The following NNT variants were observed in gnomAD, a reference collection of about 807,000 sequenced individuals.
The protein encoded by NNT is nicotinamide nucleotide transhydrogenase.
NNT carries 50 observed loss-of-function variants against 104.8 expected under a neutral mutation model. The ratio of observed to expected loss-of-function variants is 0.48; its 90% CI spans 0.38 to 0.60. NNT has a LOEUF of 0.60. Among genes scored for constraint, NNT ranks in the 20% least tolerant of loss-of-function variants. NNT has a pLI of 0.00. For missense variants in NNT, 1,131 were observed against 1,330.7 expected, an observed-to-expected ratio of 0.85 and a Z score of 2.33; for synonymous variants, 461 against 490.4, an observed-to-expected ratio of 0.94 and a Z score of 0.79.
At position 43,656,746 on chromosome 5, in the gene NNT, T is replaced by C. The variant is rs1740074911; in HGVS notation, c.2387T>C (p.Met796Thr). The C allele has an allele frequency of 6.2e-7, 1 of 1,614,196 alleles. No homozygotes were observed. The highest frequency in any genetic ancestry group is 8.5e-7 in the Non-Finnish European group (1 of 1,180,018). Residue 796 changes from methionine to threonine, a missense_variant, in exon 16 of 22, where the codon ATG (methionine) becomes ACG (threonine). By Grantham distance (81) the Met-to-Thr change is moderately conservative (BLOSUM62 -1). Transcript: ENST00000344920. ...AGTGTGGGCGGGATAATCCCATTCA[T>C]GGTGGACCCAAGCTTTACTACTGGC... ...AASVGGIIPFMVDPSFTTGIT... is the reference protein window; with the variant it reads ...AASVGGIIPFTVDPSFTTGIT...
At chr5:43,663,320 A>T (rs536649115) in intron 17 of NNT, among the ~76,000 whole-genome samples, 1 of 152,202 alleles carries the variant, frequency 6.6e-6, no homozygotes, top group Non-Finnish European at 1.5e-5. Flanking sequence ...TTGGCTTTTG[A>T]TATTACTAAA....
chr5:43,700,617 C>G (rs1340087584), intron 20 of NNT, among the ~76,000 whole-genome samples: 1 of 152,176 alleles, frequency 6.6e-6, no homozygotes, highest in African/African-American at 2.4e-5. Flanking sequence ...AATTTAGTGT[C>G]TGATTCTTGC....
intron 17 of NNT, among the ~76,000 whole-genome samples, chr5:43,667,769 G>T (rs931674142): frequency 6.6e-6 from 1 of 152,024 alleles, no homozygotes; most frequent in Non-Finnish European, 1.5e-5. Flanking sequence ...TTATAATCCC[G>T]TGGGTATATA....
At chr5:43,605,474 C>A (rs1179075123) in intron 1 of NNT, among the ~76,000 whole-genome samples, 1 of 140,100 alleles carries the variant, frequency 7.1e-6, no homozygotes, top group Non-Finnish European at 1.5e-5. Context: ...CGAGATTGCG[C>A]CACTGCAGTC....
intron 16 of NNT, among the ~76,000 whole-genome samples, chr5:43,657,106 G>A (rs1740095103): frequency 6.6e-6 from 1 of 152,136 alleles, no homozygotes; most frequent in South Asian, 2.1e-4. Flanking sequence ...GCTTAAAAAG[G>A]CCAAGGGTTT....
intron 19 of NNT, among the ~76,000 whole-genome samples, chr5:43,698,046 G>A (rs1742647416): frequency 6.6e-6 from 1 of 151,242 alleles, no homozygotes; most frequent in Non-Finnish European, 1.5e-5. Context: ...TATAGACCTT[G>A]GAAAAAAATG....
rs144513948 is a variant in NNT, at chr5:43,677,164, G to A, written c.2795-561G>A. Among the ~76,000 whole-genome samples the A allele has an allele frequency of 4.1e-3, 622 of 152,214 alleles. 5 individuals carry two copies. The highest frequency in any genetic ancestry group is 0.014 in the African/African-American group (579 of 41,538). ...ATGTTATACTGGCGCTCAAATGACA[G>A]GTCAAGCCTGCAGACAGATTGGGAA... On this transcript the variant is annotated intron_variant, in intron 18 of 21. Coordinates refer to ENST00000344920, the MANE Select transcript of NNT (RefSeq NM_182977.3).
chr5:43,698,767 G>A (rs1001688752), intron 19 of NNT, among the ~76,000 whole-genome samples: 1 of 151,830 alleles, frequency 6.6e-6, no homozygotes, highest in Non-Finnish European at 1.5e-5. Context: ...GATGATAAGT[G>A]AGGACTTACT....
intron 7 of NNT, among the ~76,000 whole-genome samples, chr5:43,629,225 T>C (rs1750547512): frequency 6.6e-6 from 1 of 152,084 alleles, no homozygotes; most frequent in Non-Finnish European, 1.5e-5. Flanking sequence ...TTTAACAATG[T>C]TTAGTTTTTA....
intron 14 of NNT, among the ~76,000 whole-genome samples, chr5:43,654,809 G>A (rs975083638): frequency 2.0e-5 from 3 of 152,146 alleles, no homozygotes; most frequent in Non-Finnish European, 2.9e-5. Context: ...TTTCCCAGTG[G>A]AACACTGGCT....
At chr5:43,640,172 C>CT (rs1031974283) in intron 7 of NNT, among the ~76,000 whole-genome samples, 13 of 151,930 alleles carry the variant, frequency 8.6e-5, no homozygotes, top group African/African-American at 2.7e-4. Context: ...TCTTTTATAT[C>CT]TAGGTCTTTC....
chr5:43,642,289 A>G (rs1420927835), intron 7 of NNT, among the ~76,000 whole-genome samples: 2 of 152,162 alleles, frequency 1.3e-5, no homozygotes, highest in South Asian at 2.1e-4. Context: ...TGAGGCGGCC[A>G]TATGATCCAT....
upstream of NNT, chr5:43,603,062 G>A (rs1012207382): frequency 1.3e-5 from 2 of 152,470 alleles, no homozygotes; most frequent in African/African-American, 4.8e-5. Flanking sequence ...GGTTCGGAGA[G>A]CGCGCGGCGA....
intron 21 of NNT, among the ~76,000 whole-genome samples, chr5:43,703,269 TCAAA>T (rs1217917187): frequency 6.6e-6 from 1 of 152,210 alleles, no homozygotes; most frequent in Admixed American, 6.5e-5. Flanking sequence ...TTTAGATAAC[TCAAA>T]GGCTTGTAAA....
intron 6 of NNT, among the ~76,000 whole-genome samples, chr5:43,625,700 C>T (rs2111666714): frequency 6.6e-6 from 1 of 152,156 alleles, no homozygotes; most frequent in African/African-American, 2.4e-5. Flanking sequence ...CCCCTCTTAG[C>T]AATAGTGATT....
chr5:43,676,495 C>T (rs775937475), intron 18 of NNT, among the ~76,000 whole-genome samples: 1 of 152,092 alleles, frequency 6.6e-6, no homozygotes, highest in Non-Finnish European at 1.5e-5. Context: ...TTTTTAGGGG[C>T]ATTTGAAATA....
Position 43,644,731 on chromosome 5 carries a change from T to C in NNT, c.1219T>C (p.Tyr407His). Residue 407 changes from tyrosine (Y) to histidine (H), a missense_variant, in exon 9 of 22, where the codon TAT becomes CAT. Physicochemically the swap from Tyr to His is moderately conservative, Grantham distance 83. Transcript: ENST00000344920. Reference protein sequence around the residue: ...KAISPDKDNFYFDVKDDFDFG... With the variant: ...KAISPDKDNFHFDVKDDFDFG... ...CATCAGCCCGGACAAAGATAATTTT[T>C]ATTTTGATGTGAAAGATGACTTTGA... The C allele has an allele frequency of 2.3e-5, 37 of 1,614,210 alleles. No homozygotes were observed. Among genetic ancestry groups the C allele is most frequent in the Non-Finnish European group, 3.1e-5 (37 of 1,180,036 alleles).
intron 19 of NNT, 72 bp downstream of exon 19, chr5:43,677,878 A>G (rs1296499811): frequency 1.7e-6 from 2 of 1,200,256 alleles, no homozygotes; most frequent in East Asian, 2.3e-5. Flanking sequence ...AATACAGTGG[A>G]CCCTTGAACA....
intron 17 of NNT, among the ~76,000 whole-genome samples, chr5:43,662,843 G>A (rs1481678657): frequency 6.6e-6 from 1 of 150,860 alleles, no homozygotes; most frequent in African/African-American, 2.4e-5. Context: ...GCAATGAGCT[G>A]TGATTGTACC....
Sources: gnomAD v4.1 joint callset for allele counts (sites outside exome capture counted in the v4.1 genomes callset) on GRCh38, gnomAD v4.1.1 for gene constraint, MANE v1.5 for transcripts, NCBI Gene and HGNC (gene_info 2026-07-23, HGNC 2026-07-21) for gene names.